Variants in C19orf12 observed in about 807,000 individuals in gnomAD.
The protein encoded by C19orf12 is protein C19orf12.
A neutral mutation model predicts 3.8 loss-of-function variants in C19orf12; 2 were observed. The ratio of observed to expected loss-of-function variants is 0.53; its 90% CI spans 0.22 to 1.66. The LOEUF (loss-of-function observed/expected upper bound fraction) is 1.66, where lower values mean the gene tolerates loss of function less well. Among genes scored for constraint, C19orf12 ranks in the 40% most tolerant of loss-of-function variants. The probability of loss-of-function intolerance (pLI) is 0.20; values close to 1 mark genes in which losing one functional copy is unlikely to be tolerated. For synonymous variants in C19orf12, 89 were observed against 84.6 expected (o/e 1.05, Z -0.28); for missense variants, 156 against 188.8 (o/e 0.83, Z 1.02).
At position 29,715,226 on chromosome 19, in the gene C19orf12, GA is replaced by G; in HGVS notation, c.-113del. 1 of 440,818 alleles carries G rather than the reference GA, an allele frequency of 2.3e-6. No homozygotes were observed. The highest frequency in any genetic ancestry group is 4.2e-6 in the Non-Finnish European group (1 of 239,650). The allele number at this position is 440,818 out of a possible 1,614,324, so 27.3% of individuals were successfully genotyped here. On this transcript the variant is annotated 5_prime_UTR_variant, in exon 1 of 3. Coordinates refer to ENST00000323670, the MANE Select transcript of C19orf12 (RefSeq NM_031448.6). Reference sequence around the variant, plus strand: ...CCCCGCCCAGCTCCCCAGCCCCGCGGAGGGTCGCGCAGGCCTTGGTGGCGGC... The same window carrying G: ...CCCCGCCCAGCTCCCCAGCCCCGCGGGGGTCGCGCAGGCCTTGGTGGCGGC...
In C19orf12 at chr19:29,699,179, A is replaced by G. The variant is rs1971938144; in HGVS notation, c.*3533T>C. 1 of 453,836 alleles carries G rather than the reference A, an allele frequency of 2.2e-6. No homozygotes were observed. The allele number at this position is 453,836 out of a possible 1,614,324, so 28.1% of individuals were successfully genotyped here. On this transcript the variant is annotated 3_prime_UTR_variant, in exon 3 of 3. Transcript: ENST00000323670. The stretch of plus-strand genomic sequence containing the variant: ...GAAGGCAAGTACGTTAGAAATATAC[A>G]TACATAGGCCGGGCGCAGTGGCTCA...
chr19:29,701,721 AG>A lies in C19orf12; in HGVS notation c.*990del, dbSNP rs1420992596. The A allele has an allele frequency of 4.4e-6, 2 of 452,218 alleles. No homozygotes were observed. Among genetic ancestry groups the A allele is most frequent in the Non-Finnish European group, 8.9e-6 (2 of 225,748 alleles). 28.0% of individuals were successfully genotyped at this position (452,218 alleles called of 1,614,324 possible). ...TTTTTTTAAATTGAAGGTTTGTAGC[AG>A]CCTGGCATCAGGCAAGTCTATTTGG... On this transcript the variant is annotated 3_prime_UTR_variant, in exon 3 of 3. Coordinates refer to ENST00000323670, the MANE Select transcript of C19orf12 (RefSeq NM_031448.6).
At chr19:29,713,698 T>G (rs1443281755) in intron 1 of C19orf12, among the ~76,000 whole-genome samples, 1 of 152,142 alleles carries the variant, frequency 6.6e-6, no homozygotes, top group Non-Finnish European at 1.5e-5. Context: ...TATTTAAAAA[T>G]CAGGAGATTT....
intron 2 of C19orf12, 41 bp downstream of exon 2, chr19:29,708,213 A>G (rs750445186): frequency 6.2e-7 from 1 of 1,603,976 alleles, no homozygotes; most frequent in Non-Finnish European, 8.5e-7. Flanking sequence ...CTTTTATGAC[A>G]TCCCCGAGGC....
At chr19:29,704,026 C>T (rs542243795) in intron 2 of C19orf12, among the ~76,000 whole-genome samples, 3 of 152,010 alleles carry the variant, frequency 2.0e-5, no homozygotes, top group East Asian at 3.9e-4. Flanking sequence ...GACTGAATTT[C>T]CTCCACCAGG....
At chr19:29,712,835 A>G (rs1972755089) in intron 1 of C19orf12, among the ~76,000 whole-genome samples, 1 of 152,182 alleles carries the variant, frequency 6.6e-6, no homozygotes, top group Non-Finnish European at 1.5e-5. Context: ...AACTTCAGTG[A>G]TATCTCAGAC....
intron 1 of C19orf12, 105 bp downstream of exon 1, chr19:29,715,020 T>A: frequency 1.4e-6 from 1 of 692,396 alleles, no homozygotes; most frequent in African/African-American, 1.8e-5. Flanking sequence ...GGGGACCCTC[T>A]CCCCAAGGCA....
intron 2 of C19orf12, 86 bp downstream of exon 2, chr19:29,708,168 A>C (rs1438030225): frequency 1.3e-6 from 2 of 1,571,988 alleles, no homozygotes; most frequent in Admixed American, 1.7e-5. Context: ...CATGAGCCAC[A>C]CTGTGCCTGG....
intron 1 of C19orf12, 50 bp from the exon 2 acceptor site, chr19:29,708,473 T>C: frequency 6.2e-7 from 1 of 1,601,366 alleles, no homozygotes; most frequent in Non-Finnish European, 8.5e-7. Flanking sequence ...TAAGAGTATT[T>C]CCATCACAAT....
intron 1 of C19orf12, among the ~76,000 whole-genome samples, chr19:29,714,277 A>AGAAGGCTG (rs1339193937): frequency 6.6e-6 from 1 of 152,034 alleles, no homozygotes; most frequent in Non-Finnish European, 1.5e-5. Context: ...GGTGGATCGC[A>AGAAGGCTG]AGGTCAGGAG....
chr19:29,706,405 C>T (rs889291984), intron 2 of C19orf12, among the ~76,000 whole-genome samples: 20 of 152,200 alleles, frequency 1.3e-4, no homozygotes, highest in Admixed American at 1.0e-3. Context: ...TAAAATGATG[C>T]TCCCGCCCAT....
upstream of C19orf12, chr19:29,715,328 T>C (rs1047447055): frequency 3.3e-5 from 13 of 389,976 alleles, no homozygotes; most frequent in Non-Finnish European, 5.6e-5. Flanking sequence ...CCGGGCCAGC[T>C]CCTGGCTCCG....
intron 1 of C19orf12, among the ~76,000 whole-genome samples, chr19:29,714,437 T>C (rs1440003397): frequency 6.6e-6 from 1 of 152,100 alleles, no homozygotes; most frequent in East Asian, 1.9e-4. Flanking sequence ...GAGGTTGCAG[T>C]GAGCCGAGAT....
At chr19:29,712,414 A>C (rs1972729188) in intron 1 of C19orf12, among the ~76,000 whole-genome samples, 3 of 152,172 alleles carry the variant, frequency 2.0e-5, no homozygotes, top group Middle Eastern at 3.4e-3. Context: ...CAAAAAAAAA[A>C]GAAAAAAGAA....
At chr19:29,704,702 G>C (rs1972282540) in intron 2 of C19orf12, among the ~76,000 whole-genome samples, 1 of 152,186 alleles carries the variant, frequency 6.6e-6, no homozygotes, top group Non-Finnish European at 1.5e-5. Context: ...GTGCCTCCAA[G>C]AGCCAGGGAG....
chr19:29,713,274 C>T (rs1414751157), intron 1 of C19orf12, among the ~76,000 whole-genome samples: 1 of 151,794 alleles, frequency 6.6e-6, no homozygotes, highest in African/African-American at 2.4e-5. Flanking sequence ...CACTGTATCA[C>T]ACCTATTTCA....
At chr19:29,709,582 T>C (rs1042801526) in intron 1 of C19orf12, among the ~76,000 whole-genome samples, 1 of 150,478 alleles carries the variant, frequency 6.6e-6, no homozygotes, top group Non-Finnish European at 1.5e-5. Context: ...CAGGCTGGAG[T>C]GCAGTGGCAT....
rs1568319919 is a variant in C19orf12, at chr19:29,699,358, CTG to C, written c.*3352_*3353del. The C allele has an allele frequency of 2.7e-6, 1 of 370,252 alleles. No individual in the cohort carries two copies. The highest frequency in any genetic ancestry group is 5.2e-6 in the Non-Finnish European group (1 of 193,202). The allele number at this position is 370,252 out of a possible 1,614,324, so 22.9% of individuals were successfully genotyped here. The stretch of plus-strand genomic sequence containing the variant: ...ATTAGCCGGGCATGGTGGCGGGCGA[CTG>C]TAGTCAAAGCTACTCGGGAGGCTGA... On this transcript the variant is annotated 3_prime_UTR_variant, in exon 3 of 3. Transcript: ENST00000323670.
At chr19:29,709,611 C>G (rs1383059482) in intron 1 of C19orf12, among the ~76,000 whole-genome samples, 2 of 150,858 alleles carry the variant, frequency 1.3e-5, no homozygotes, top group African/African-American at 4.9e-5. Context: ...CTCACTGCAG[C>G]CTTGACCTCC....
Sources: allele counts gnomAD v4.1 joint callset (sites outside exome capture counted in the v4.1 genomes callset), GRCh38; gene constraint gnomAD v4.1.1; transcripts MANE v1.5; gene names NCBI Gene and HGNC (gene_info 2026-07-23, HGNC 2026-07-21).